Variants in KIF26B observed in about 807,000 individuals in gnomAD.
The protein encoded by KIF26B is kinesin-like protein KIF26B.
A neutral mutation model predicts 151.2 loss-of-function variants in KIF26B; 63 were observed. That is an observed-to-expected ratio of 0.42 (90% CI 0.34 to 0.51). The LOEUF is 0.51. KIF26B is among the 20% of genes least tolerant of loss of function. The pLI, the probability that KIF26B is intolerant of heterozygous loss-of-function variation, is 0.07. For missense variants in KIF26B, 2,813 were observed against 2,913.6 expected (o/e 0.97, Z 0.79); for synonymous variants, 1,357 against 1,262.1 (o/e 1.08, Z -1.59).
intron 3 of KIF26B, chr1:245,370,708 TTGTG>T (rs1230082246): frequency 1.1e-5 from 5 of 443,550 alleles, no homozygotes; most frequent in Admixed American, 9.6e-5. Context: ...AGGTGAAAGT[TTGTG>T]TGTAAGTCGG....
At chr1:245,492,501 T>C (rs540872662) in intron 4 of KIF26B, among the ~76,000 whole-genome samples, 1 of 152,342 alleles carries the variant, frequency 6.6e-6, no homozygotes, top group South Asian at 2.1e-4. Context: ...TGTGGGTAAA[T>C]TGGGCTAAAA....
chr1:245,514,569 A>T (rs972066918), intron 4 of KIF26B, among the ~76,000 whole-genome samples: 1 of 152,036 alleles, frequency 6.6e-6, no homozygotes, highest in African/African-American at 2.4e-5. Flanking sequence ...AAAAATAGAC[A>T]TTTATATAAT....
At chr1:245,264,982 A>G (rs1305392003) in intron 2 of KIF26B, among the ~76,000 whole-genome samples, 505 of 151,216 alleles carry the variant, frequency 3.3e-3, no homozygotes, top group African/African-American at 8.7e-3. Flanking sequence ...GGCAGATCAC[A>G]AGGTCAGGAG....
intron 9 of KIF26B, among the ~76,000 whole-genome samples, chr1:245,639,633 T>A (rs1024832199): frequency 6.6e-6 from 1 of 151,918 alleles, no homozygotes; most frequent in Non-Finnish European, 1.5e-5. Context: ...TGCTACTTTT[T>A]CTGTATCCCG....
chr1:245,489,531 TATAGTAC>T (rs1660352793), intron 4 of KIF26B, among the ~76,000 whole-genome samples: 2 of 152,264 alleles, frequency 1.3e-5, no homozygotes, highest in South Asian at 4.1e-4. Flanking sequence ...GACATTCAGA[TATAGTAC>T]ATTTTAAACA....
intron 4 of KIF26B, among the ~76,000 whole-genome samples, chr1:245,483,708 GT>G (rs1325116086): frequency 6.6e-6 from 1 of 151,746 alleles, no homozygotes; most frequent in East Asian, 1.9e-4. Flanking sequence ...GAAGCAGAAG[GT>G]TAAAAGGAGA....
Position 245,244,135 on chromosome 1 carries a change from T to A in KIF26B, c.465+87452T>A, listed in dbSNP as rs140644843. On this transcript the variant is annotated intron_variant, in intron 2 of 14. Coordinates refer to ENST00000407071, the MANE Select transcript of KIF26B (RefSeq NM_018012.4). The surrounding 1 kb of genome is among the most constrained non-coding windows in gnomAD (Gnocchi z 4.2). ...CTAATTTTTATTTATTTATTTATTT[T>A]TTGTAGAGATTGGGTCTTGCTATGT... Among the ~76,000 whole-genome samples the A allele has an allele frequency of 1.3e-5, 2 of 152,238 alleles. No homozygotes were observed. The highest frequency in any genetic ancestry group is 2.4e-5 in the African/African-American group (1 of 41,546).
intron 9 of KIF26B, among the ~76,000 whole-genome samples, chr1:245,644,240 G>T (rs2043922317): frequency 6.6e-6 from 1 of 151,364 alleles, no homozygotes; most frequent in African/African-American, 2.4e-5. Context: ...CAAATTTGCT[G>T]ATTTTTCATT....
chr1:245,540,713 A>T lies in KIF26B; in HGVS notation c.1167-54A>T. 6.7e-7 allele frequency: 1 copy of T among 1,490,228 alleles called. No individual in the cohort carries two copies. Among genetic ancestry groups the T allele is most frequent in the East Asian group, 2.3e-5 (1 of 44,270 alleles). 92.3% of individuals were successfully genotyped at this position (1,490,228 alleles called of 1,614,324 possible). A position where few individuals can be genotyped will look rare whatever the true frequency, so the allele number is the denominator to read the frequency against. Reference sequence around the variant, plus strand: ...GTTTAAGAGAAAACGAAGTAAGCCTAGCAGATCTGATCGTACAATCATTTT... The same window carrying T: ...GTTTAAGAGAAAACGAAGTAAGCCTTGCAGATCTGATCGTACAATCATTTT... On this transcript the variant is annotated intron_variant, in intron 4 of 14. Coordinates refer to ENST00000407071, the MANE Select transcript of KIF26B (RefSeq NM_018012.4). The surrounding 1 kb of genome is among the most constrained non-coding windows in gnomAD (Gnocchi z 4.6).
chr1:245,688,024 T>C lies in KIF26B; in HGVS notation c.5041T>C (p.Ser1681Pro), dbSNP rs975755400. ...RATVSHYECL[S>P]LERAESLSSV... ...GACAGTCAGCCACTACGAATGCCTCTCCCTGGAGCGGGCCGAGAGCCTGTC... is the reference window on the plus strand; with the variant it reads ...GACAGTCAGCCACTACGAATGCCTCCCCCTGGAGCGGGCCGAGAGCCTGTC... Residue 1681 changes from serine to proline, a missense_variant, in exon 12 of 15, where the codon TCC becomes CCC. By Grantham distance (74) the Ser-to-Pro change is moderately conservative. Coordinates refer to ENST00000407071, the MANE Select transcript of KIF26B (RefSeq NM_018012.4). 2 of 1,560,114 alleles carry C rather than the reference T, an allele frequency of 1.3e-6. No individual in the cohort carries two copies. Among genetic ancestry groups the C allele is most frequent in the East Asian group, 2.4e-5 (1 of 41,532 alleles).
In KIF26B at chr1:245,602,289, G is replaced by C. The variant is rs563573396; in HGVS notation, c.1351-288G>C. Reference sequence around the variant, plus strand: ...ATCTGTGTAATTGGGCCACGAGGGCGCAGTTAATATTCAATTTATATTAAT... The same window carrying C: ...ATCTGTGTAATTGGGCCACGAGGGCCCAGTTAATATTCAATTTATATTAAT... On this transcript the variant is annotated intron_variant, in intron 5 of 14. Coordinates refer to ENST00000407071, the MANE Select transcript of KIF26B (RefSeq NM_018012.4). This position sits in a 1 kb window ranked among gnomAD's most constrained non-coding sequence, Gnocchi z 4.5. 6.6e-6 allele frequency among the ~76,000 whole-genome samples: 1 copy of C among 152,176 alleles called. No individual in the cohort carries two copies. Among genetic ancestry groups the C allele is most frequent in the Admixed American group, 6.5e-5 (1 of 15,276 alleles).
intron 4 of KIF26B, among the ~76,000 whole-genome samples, chr1:245,453,604 G>C (rs994947423): frequency 7.2e-5 from 11 of 152,152 alleles, no homozygotes; most frequent in African/African-American, 2.4e-4. Flanking sequence ...CATGTATCTG[G>C]TATAAAAATA....
intron 4 of KIF26B, among the ~76,000 whole-genome samples, chr1:245,499,476 G>A (rs1285719873): frequency 6.6e-6 from 1 of 152,190 alleles, no homozygotes; most frequent in Non-Finnish European, 1.5e-5. Context: ...TCGGAAGTGA[G>A]GTAGAGATTA....
intron 2 of KIF26B, among the ~76,000 whole-genome samples, chr1:245,240,894 A>G (rs1188725973): frequency 6.6e-6 from 1 of 152,078 alleles, no homozygotes; most frequent in Non-Finnish European, 1.5e-5. Flanking sequence ...GACTTGGAGA[A>G]TGAGGTGGAA....
chr1:245,583,282 G>A (rs926325019), intron 5 of KIF26B, among the ~76,000 whole-genome samples: 1 of 152,180 alleles, frequency 6.6e-6, no homozygotes, highest in African/African-American at 2.4e-5. Context: ...TGAAAGGCAC[G>A]TGAGCGATGC....
chr1:245,395,871 T>C (rs1464489960), intron 3 of KIF26B, among the ~76,000 whole-genome samples: 1 of 152,218 alleles, frequency 6.6e-6, no homozygotes, highest in Non-Finnish European at 1.5e-5. Context: ...CCTTGGCTAC[T>C]TCTAGCTCTG....
intron 2 of KIF26B, among the ~76,000 whole-genome samples, chr1:245,284,898 G>A (rs945781399): frequency 2.0e-5 from 3 of 152,162 alleles, no homozygotes; most frequent in African/African-American, 7.2e-5. Flanking sequence ...AATTAGCCGG[G>A]CGTGGTGGCG....
chr1:245,534,509 C>A (rs1258779745), intron 4 of KIF26B, among the ~76,000 whole-genome samples: 1 of 151,944 alleles, frequency 6.6e-6, no homozygotes, highest in Admixed American at 6.6e-5. Context: ...TTTCATCCTG[C>A]TAGAGAGACT....
chr1:245,232,550 T>A (rs1670018446), intron 2 of KIF26B, among the ~76,000 whole-genome samples: 1 of 151,072 alleles, frequency 6.6e-6, no homozygotes, highest in Admixed American at 6.6e-5. Context: ...TGGTTTCATT[T>A]GTTTTTTTTT....
Sources: allele counts gnomAD v4.1 joint callset (sites outside exome capture counted in the v4.1 genomes callset), GRCh38; gene constraint gnomAD v4.1.1; non-coding constraint Gnocchi (gnomAD v3.1); transcripts MANE v1.5; gene names NCBI Gene and HGNC (gene_info 2026-07-23, HGNC 2026-07-21).